The following CPT1A variants were observed in gnomAD, a reference collection of about 807,000 sequenced individuals.
CPT1A encodes the protein carnitine O-palmitoyltransferase 1, liver isoform.
A neutral mutation model predicts 100.8 loss-of-function variants in CPT1A; 64 were observed. The observed-to-expected ratio is 0.63, with a 90% confidence interval of 0.52 to 0.78. CPT1A has a LOEUF of 0.78. Among genes scored for constraint, CPT1A ranks in the 30% least tolerant of loss-of-function variants. CPT1A has a pLI of 0.00. For missense variants in CPT1A, 802 were observed against 1,034.1 expected (o/e 0.78, Z 3.08); for synonymous variants, 363 against 396.0 (o/e 0.92, Z 0.99).
intron 12 of CPT1A, among the ~76,000 whole-genome samples, chr11:68,777,701 C>T (rs998123339): frequency 1.2e-4 from 18 of 152,200 alleles, no homozygotes; most frequent in African/African-American, 3.6e-4. Context: ...AAAAACAAGC[C>T]TGATCTTGTA....
chr11:68,818,170 C>G (rs1370507382), intron 1 of CPT1A, among the ~76,000 whole-genome samples: 1 of 152,050 alleles, frequency 6.6e-6, no homozygotes, highest in Non-Finnish European at 1.5e-5. Context: ...GTGACAGGGA[C>G]AGTGACAGTG....
At chr11:68,762,133 G>A (rs544248468) in intron 15 of CPT1A, among the ~76,000 whole-genome samples, 1 of 152,294 alleles carries the variant, frequency 6.6e-6, no homozygotes, top group South Asian at 2.1e-4. Context: ...TTTATCTATG[G>A]AAATGAACTG....
chr11:68,780,603 C>T (rs1855280990), intron 12 of CPT1A, 37 bp downstream of exon 12: 2 of 1,584,942 alleles, frequency 1.3e-6, no homozygotes, highest in African/African-American at 1.3e-5. Flanking sequence ...TTTTCAAAAG[C>T]AACTTCCACA....
intron 1 of CPT1A, chr11:68,839,521 C>A: frequency 2.0e-6 from 2 of 985,466 alleles, no homozygotes; most frequent in Non-Finnish European, 2.4e-6. Flanking sequence ...CCTGTGGCCA[C>A]CCCAGCGACA....
At chr11:68,765,463 G>A (rs1206601089) in intron 14 of CPT1A, among the ~76,000 whole-genome samples, 2 of 152,138 alleles carry the variant, frequency 1.3e-5, no homozygotes, top group African/African-American at 2.4e-5. Flanking sequence ...CCATCAGGAG[G>A]ATGGCCCTTC....
At chr11:68,807,215 GA>G (rs1259709084) in intron 4 of CPT1A, among the ~76,000 whole-genome samples, 1 of 152,094 alleles carries the variant, frequency 6.6e-6, no homozygotes, top group African/African-American at 2.4e-5. Flanking sequence ...TGAATGACCT[GA>G]ACTACAAACC....
intron 1 of CPT1A, among the ~76,000 whole-genome samples, chr11:68,828,968 C>T (rs1476563316): frequency 6.6e-6 from 1 of 152,152 alleles, no homozygotes; most frequent in African/African-American, 2.4e-5. Flanking sequence ...GCCAGCCCCC[C>T]AGGACTTTAG....
chr11:68,769,290 G>GC (rs1299096252), intron 14 of CPT1A, among the ~76,000 whole-genome samples: 1 of 152,190 alleles, frequency 6.6e-6, no homozygotes, highest in South Asian at 2.1e-4. Flanking sequence ...AGGCTGTAGT[G>GC]CAGTGGCACG....
At chr11:68,761,713 A>G (rs1015556608) in intron 15 of CPT1A, 26 bp from the exon 16 acceptor site, 21 of 1,613,774 alleles carry the variant, frequency 1.3e-5, no homozygotes, top group Non-Finnish European at 1.7e-5. Flanking sequence ...TGGGAAGGAC[A>G]TATGTTGCAT....
rs1282293820 is a variant in CPT1A at position 68,775,315 on chromosome 11, C to T, written c.1575+1G>A. 6.2e-7 allele frequency: 1 copy of T among 1,610,306 alleles called. No homozygotes were observed. The highest frequency in any genetic ancestry group is 2.2e-5 in the East Asian group (1 of 44,840). On this transcript the variant is annotated splice_donor_variant, in intron 13 of 18. Transcript: ENST00000265641. LOFTEE classifies it high-confidence loss of function. ...ACAATGGTTGGATAATCCGGACTTA[C>T]TTCCCCCGGGATGTCCCACTGCAGC... is the stretch of plus-strand genomic sequence containing the variant.
rs1993277 is a variant in CPT1A at position 68,841,313 on chromosome 11, G to C, written c.-14+462C>G. The stretch of plus-strand genomic sequence containing the variant: ...ACTGGCCCCGGGCGAAGGCATCCTG[G>C]AAAGCATCCAGAGCGTCCAGCATCC... On this transcript the variant is annotated intron_variant, in intron 1 of 18. Coordinates refer to ENST00000265641, the MANE Select transcript of CPT1A (RefSeq NM_001876.4). The surrounding 1 kb of genome is among the most constrained non-coding windows in gnomAD (Gnocchi z 6.3). Among the ~76,000 whole-genome samples the C allele has an allele frequency of 5.1e-3, 773 of 152,242 alleles. 8 individuals are homozygous for C. Among genetic ancestry groups the C allele is most frequent in the African/African-American group, 0.018 (739 of 41,544 alleles).
intron 9 of CPT1A, among the ~76,000 whole-genome samples, chr11:68,788,630 TA>T: frequency 0.057 from 1,558 of 27,558 alleles, 35 homozygotes; most frequent in African/African-American, 0.15. Flanking sequence ...CAAACAAAAG[TA>T]AAAAAAAAAA....
Position 68,757,437 on chromosome 11 carries a change from G to C in CPT1A, c.*207C>G. ...GGAGACTTTATCAGATGTCCCCCAA[G>C]GGAGGGCAAGTCTGGAAGTAGTGGG... On this transcript the variant is annotated 3_prime_UTR_variant, in exon 19 of 19. Transcript: ENST00000265641. 1 of 1,437,838 alleles carries C rather than the reference G, an allele frequency of 7.0e-7. No homozygotes were observed. The highest frequency in any genetic ancestry group is 2.6e-5 in the East Asian group (1 of 38,908). 89.1% of individuals were successfully genotyped at this position (1,437,838 alleles called of 1,614,324 possible).
intron 12 of CPT1A, among the ~76,000 whole-genome samples, chr11:68,780,228 T>C (rs1038684826): frequency 6.6e-6 from 1 of 152,226 alleles, no homozygotes; most frequent in Non-Finnish European, 1.5e-5. Context: ...AAATTCATAT[T>C]CTATAATCAC....
chr11:68,814,973 C>T (rs1566377246), intron 2 of CPT1A, among the ~76,000 whole-genome samples: 1 of 152,178 alleles, frequency 6.6e-6, no homozygotes, highest in Non-Finnish European at 1.5e-5. Context: ...AGGTGTGAGC[C>T]ACTGCACCTG....
chr11:68,821,492 G>A (rs61887069), intron 1 of CPT1A, among the ~76,000 whole-genome samples: 357 of 151,968 alleles, frequency 2.3e-3, no homozygotes, highest in Non-Finnish European at 4.2e-3. Context: ...GTTTCCCCAC[G>A]TTGGCCAGGC....
At position 68,782,579 on chromosome 11, in the gene CPT1A, G is replaced by A. The variant is rs558547417; in HGVS notation, c.1164-620C>T. Among the ~76,000 whole-genome samples the A allele has an allele frequency of 4.6e-5, 7 of 152,268 alleles. No individual in the cohort carries two copies. The South Asian group carries it at 1.2e-3, about 27-fold the overall frequency. ...GGAGGTCTCCGTGCCCGTCTTATTT[G>A]AATACACAGAACTGGTGTGATGCCC... On this transcript the variant is annotated intron_variant, in intron 10 of 18. Transcript: ENST00000265641.
Position 68,836,098 on chromosome 11 carries a change from T to C in CPT1A, c.-14+5677A>G, listed in dbSNP as rs118162628. Among the ~76,000 whole-genome samples the C allele has an allele frequency of 3.9e-5, 6 of 152,342 alleles. No homozygotes were observed. In the East Asian group the frequency reaches 1.2e-3, roughly 29 times the overall value. ...TTTGATACCTTCTGACTTCGATGTA[T>C]ACCTTTTAGCAATCTGTGGTTGTAT... is the stretch of plus-strand genomic sequence containing the variant. On this transcript the variant is annotated intron_variant, in intron 1 of 18. Coordinates refer to ENST00000265641, the MANE Select transcript of CPT1A (RefSeq NM_001876.4).
chr11:68,779,758 T>C (rs1362827907), intron 12 of CPT1A, among the ~76,000 whole-genome samples: 2 of 143,518 alleles, frequency 1.4e-5, no homozygotes, highest in African/African-American at 5.2e-5. Flanking sequence ...ATTGTGCCAC[T>C]GCACTCCAGT....
Sources: gnomAD v4.1 joint callset for allele counts (sites outside exome capture counted in the v4.1 genomes callset) on GRCh38, gnomAD v4.1.1 for gene constraint, Gnocchi (gnomAD v3.1) non-coding constraint, MANE v1.5 for transcripts, NCBI Gene and HGNC (gene_info 2026-07-23, HGNC 2026-07-21) for gene names.